Variants in MITF observed in about 807,000 individuals in gnomAD.
MITF encodes microphthalmia-associated transcription factor.
Under a neutral mutation model 60.5 loss-of-function variants are expected in MITF, and 17 were observed. The ratio of observed to expected loss-of-function variants is 0.28; its 90% confidence interval spans 0.19 to 0.42. The LOEUF is 0.42. Ranked by LOEUF, MITF falls within the 10% of genes least tolerant of loss-of-function variation. The probability of loss-of-function intolerance (pLI) is 1.00; values close to 1 mark genes in which losing one functional copy is unlikely to be tolerated. For missense variants in MITF, 622 were observed against 683.5 expected, an observed-to-expected ratio of 0.91 and a Z score of 1.00; for synonymous variants, 260 against 248.5, an observed-to-expected ratio of 1.05 and a Z score of -0.43.
At position 69,879,185 on chromosome 3, in the gene MITF, T is replaced by C. The variant is rs1006200812; in HGVS notation, c.156T>C (p.Ser52=). The C allele has an allele frequency of 6.2e-7, 1 of 1,614,232 alleles. No individual in the cohort carries two copies. Among genetic ancestry groups the C allele is most frequent in the Non-Finnish European group, 8.5e-7 (1 of 1,180,042 alleles). The change falls in exon 2 of 10, where the codon AGT becomes AGC. Residue 52 remains serine, a synonymous_variant. Transcript: ENST00000352241. ...GASKPPISSS[S]MTSRILLRQQ... ...CCAAGCCTCCGATAAGCTCCTCCAG[T>C]ATGACATCACGCATCTTGCTACGCC...
At chr3:69,937,472 T>C (rs904356539) in intron 2 of MITF, among the ~76,000 whole-genome samples, 1 of 152,088 alleles carries the variant, frequency 6.6e-6, no homozygotes, top group Non-Finnish European at 1.5e-5. Context: ...TTCTACATTG[T>C]TGTTTGATCT....
intron 1 of MITF, among the ~76,000 whole-genome samples, chr3:69,788,569 A>G (rs1053942711): frequency 5.9e-5 from 9 of 152,072 alleles, no homozygotes; most frequent in East Asian, 1.9e-4. Context: ...AGAACCCTTA[A>G]CATCTTGGAC....
chr3:69,951,817 A>G lies in MITF; in HGVS notation c.886A>G (p.Ile296Val). 6.2e-7 allele frequency: 1 copy of G among 1,613,372 alleles called. No individual in the cohort carries two copies. Among genetic ancestry groups the G allele is most frequent in the Non-Finnish European group, 8.5e-7 (1 of 1,179,540 alleles). Residue 296 changes from isoleucine (I) to valine (V), a missense_variant, in exon 7 of 10, where the codon ATT (isoleucine) becomes GTT (valine). By Grantham distance (29) the Ile-to-Val change is conservative. Transcript: ENST00000352241. The stretch of plus-strand genomic sequence containing the variant: ...GACTTCATTCACGTGCACAGCGTGT[A>G]TTTTTCCCACAGAGTCTGAAGCAAG... Reference protein sequence around the residue: ...PNIKRELTACIFPTESEARAL... With the variant: ...PNIKRELTACVFPTESEARAL...
rs781171062 is a variant in MITF at position 69,949,164 on chromosome 3, C to T, written c.876C>T (p.Leu292=). The T allele has an allele frequency of 6.2e-7, 1 of 1,602,420 alleles. No individual in the cohort carries two copies. Among genetic ancestry groups the T allele is most frequent in the Non-Finnish European group, 8.6e-7 (1 of 1,169,568 alleles). The change falls in exon 6 of 10, where the codon CTC becomes CTT. Residue 292 remains leucine, a synonymous_variant. Coordinates refer to ENST00000352241, the MANE Select transcript of MITF (RefSeq NM_001354604.2). ...ACCTTCCCAACATAAAAAGGGAGCT[C>T]ACAGGTAAACACCTAGTAAATGTGC... is the stretch of plus-strand genomic sequence containing the variant. The part of the protein sequence containing the change: ...PANLPNIKRE[L]TACIFPTESE...
intron 1 of MITF, among the ~76,000 whole-genome samples, chr3:69,805,408 A>T (rs2062988792): frequency 2.6e-5 from 4 of 152,186 alleles, no homozygotes; most frequent in African/African-American, 7.2e-5. Flanking sequence ...AAAAAGAATG[A>T]GGCCTTCCCT....
chr3:69,936,467 TA>T, intron 2 of MITF: 2 of 610,082 alleles, frequency 3.3e-6, no homozygotes, highest in Non-Finnish European at 5.0e-6. Flanking sequence ...GAAAAATTGA[TA>T]TCAACATTTA....
At chr3:69,841,457 T>G (rs1371525385) in intron 1 of MITF, among the ~76,000 whole-genome samples, 2 of 152,244 alleles carry the variant, frequency 1.3e-5, no homozygotes, top group East Asian at 3.8e-4. Context: ...CAAGTCCATT[T>G]TCTTTTCTGA....
intron 1 of MITF, among the ~76,000 whole-genome samples, chr3:69,775,052 AGTCTCCAC>A (rs911306938): frequency 2.0e-5 from 3 of 152,066 alleles, no homozygotes; most frequent in African/African-American, 7.2e-5. Context: ...CTCATCCTTT[AGTCTCCAC>A]TTAAAGGTTG....
intron 1 of MITF, among the ~76,000 whole-genome samples, chr3:69,812,597 A>G (rs1575752091): frequency 6.6e-6 from 1 of 152,092 alleles, no homozygotes; most frequent in Non-Finnish European, 1.5e-5. Flanking sequence ...ATTTCTGATT[A>G]TTTGCTGCCT....
At chr3:69,757,783 C>G (rs997994520) in intron 1 of MITF, among the ~76,000 whole-genome samples, 1 of 151,770 alleles carries the variant, frequency 6.6e-6, no homozygotes, top group Admixed American at 6.6e-5. Flanking sequence ...GTAGGATCTT[C>G]GGGCAAATTT....
At chr3:69,925,165 A>G (rs186158783) in intron 2 of MITF, among the ~76,000 whole-genome samples, 1 of 152,198 alleles carries the variant, frequency 6.6e-6, no homozygotes, top group Non-Finnish European at 1.5e-5. Context: ...GCATCTCATC[A>G]CTTAAGCTTA....
rs1055662287 is a variant in MITF at position 69,838,822 on chromosome 3, A to G, written c.105-40312A>G. 2.0e-5 allele frequency among the ~76,000 whole-genome samples: 3 copies of G among 152,158 alleles called. No homozygotes were observed. In the South Asian group the frequency reaches 6.2e-4, roughly 32 times the overall value. On this transcript the variant is annotated intron_variant, in intron 1 of 9. Coordinates refer to ENST00000352241, the MANE Select transcript of MITF (RefSeq NM_001354604.2). ...TTGTAGCTTTGCCTTACCTCCCCCT[A>G]ATTTTAAAAGTCAAATGCCCAAGTG... is the stretch of plus-strand genomic sequence containing the variant.
intron 1 of MITF, among the ~76,000 whole-genome samples, chr3:69,824,969 C>G (rs1208191328): frequency 3.3e-5 from 5 of 152,216 alleles, no homozygotes; most frequent in African/African-American, 1.2e-4. Flanking sequence ...GTATCTCTGT[C>G]TTAGAGTTAA....
At chr3:69,908,507 A>G (rs894970875) in intron 2 of MITF, among the ~76,000 whole-genome samples, 54 of 152,200 alleles carry the variant, frequency 3.5e-4, no homozygotes, top group African/African-American at 1.2e-3. Flanking sequence ...TTTTACTTCA[A>G]CAAACTTAAT....
chr3:69,806,551 A>T (rs1343547861), intron 1 of MITF, among the ~76,000 whole-genome samples: 8 of 152,166 alleles, frequency 5.3e-5, no homozygotes, highest in South Asian at 4.1e-4. Context: ...TTTTGCATAT[A>T]ATCATAAGAT....
intron 1 of MITF, among the ~76,000 whole-genome samples, chr3:69,774,985 C>T (rs2062450977): frequency 6.6e-6 from 1 of 152,194 alleles, no homozygotes; most frequent in African/African-American, 2.4e-5. Context: ...CAGGCCTTCA[C>T]ACACATTCTT....
intron 1 of MITF, among the ~76,000 whole-genome samples, chr3:69,791,402 A>T (rs2062738042): frequency 6.6e-6 from 1 of 152,126 alleles, no homozygotes; most frequent in Non-Finnish European, 1.5e-5. Flanking sequence ...GAAAAGACAA[A>T]TACATGTTCC....
At chr3:69,955,424 T>C (rs189725880) in intron 7 of MITF, among the ~76,000 whole-genome samples, 3 of 152,342 alleles carry the variant, frequency 2.0e-5, no homozygotes, top group Admixed American at 6.5e-5. Flanking sequence ...TTTAAACTTA[T>C]ATGTAAATTA....
At chr3:69,773,298 G>T (rs1034173308) in intron 1 of MITF, among the ~76,000 whole-genome samples, 1 of 152,158 alleles carries the variant, frequency 6.6e-6, no homozygotes, top group Non-Finnish European at 1.5e-5. Context: ...TGGGATTGGG[G>T]CAGAGGCAGA....
Sources: gnomAD v4.1 joint callset for allele counts (sites outside exome capture counted in the v4.1 genomes callset) on GRCh38, gnomAD v4.1.1 for gene constraint, MANE v1.5 for transcripts, NCBI Gene and HGNC (gene_info 2026-07-23, HGNC 2026-07-21) for gene names.